GALNTL6: variants seen among roughly 807,000 people sequenced by gnomAD.
GALNTL6 encodes polypeptide N-acetylgalactosaminyltransferase-like 6.
In GALNTL6, 46 loss-of-function variants were observed where a neutral mutation model predicts 73.7. The ratio of observed to expected loss-of-function variants is 0.62; its 90% confidence interval spans 0.49 to 0.80. GALNTL6 has a LOEUF of 0.80. Ranked by LOEUF, GALNTL6 falls within the 30% of genes least tolerant of loss-of-function variation. GALNTL6 has a pLI of 0.00. For synonymous variants in GALNTL6, 259 were observed against 263.7 expected, an observed-to-expected ratio of 0.98 and a Z score of 0.17; for missense variants, 604 against 755.0, an observed-to-expected ratio of 0.80 and a Z score of 2.34.
intron 3 of GALNTL6, among the ~76,000 whole-genome samples, chr4:172,287,420 A>G (rs1184039805): frequency 6.6e-6 from 1 of 152,114 alleles, no homozygotes; most frequent in Non-Finnish European, 1.5e-5. Context: ...CAAAAAGCTG[A>G]CTGATTGCCT....
At chr4:172,442,048 A>T (rs1446183439) in intron 5 of GALNTL6, among the ~76,000 whole-genome samples, 2 of 152,176 alleles carry the variant, frequency 1.3e-5, no homozygotes. Flanking sequence ...GTTATTTATA[A>T]GAAATATATA....
intron 5 of GALNTL6, among the ~76,000 whole-genome samples, chr4:172,590,545 C>G (rs1737595596): frequency 6.6e-6 from 1 of 152,108 alleles, no homozygotes; most frequent in South Asian, 2.1e-4. Flanking sequence ...ATAAACCTCC[C>G]CCTCAATTTA....
intron 2 of GALNTL6, among the ~76,000 whole-genome samples, chr4:172,168,970 T>G: frequency 6.6e-6 from 1 of 152,210 alleles, no homozygotes; most frequent in East Asian, 1.9e-4. Flanking sequence ...AGGATAACAA[T>G]TTAGCAAACA....
intron 5 of GALNTL6, among the ~76,000 whole-genome samples, chr4:172,582,737 CACACACACAG>C: frequency 7.4e-6 from 1 of 135,294 alleles, no homozygotes; most frequent in Non-Finnish European, 1.6e-5. Flanking sequence ...TGGGAAATCA[CACACACACAG>C]ACACACACAC....
At position 172,311,769 on chromosome 4, in the gene GALNTL6, C is replaced by T; in HGVS notation, c.386+17C>T. ...TCATGCTAAGTGAGTATCAGCATAT[C>T]AGTGATCAGGGTGGGTTTTTTTGGT... On this transcript the variant is annotated intron_variant, in intron 4 of 12. Coordinates refer to ENST00000506823, the MANE Select transcript of GALNTL6 (RefSeq NM_001034845.3). The T allele has an allele frequency of 6.5e-7, 1 of 1,530,530 alleles. No individual in the cohort carries two copies. The highest frequency in any genetic ancestry group is 8.8e-7 in the Non-Finnish European group (1 of 1,133,504). 94.8% of individuals were successfully genotyped at this position (1,530,530 alleles called of 1,614,324 possible).
chr4:172,188,270 C>T (rs1470429971), intron 2 of GALNTL6, among the ~76,000 whole-genome samples: 1 of 152,162 alleles, frequency 6.6e-6, no homozygotes, highest in Non-Finnish European at 1.5e-5. Context: ...AGAAAGTTCT[C>T]AAGTTCCCTA....
At chr4:172,035,026 A>G (rs1210960394) in intron 2 of GALNTL6, among the ~76,000 whole-genome samples, 4 of 152,144 alleles carry the variant, frequency 2.6e-5, no homozygotes, top group South Asian at 2.1e-4. Flanking sequence ...CATTACTATT[A>G]TATTACTATT....
intron 7 of GALNTL6, among the ~76,000 whole-genome samples, chr4:172,817,692 G>A (rs568787483): frequency 6.6e-6 from 1 of 152,322 alleles, no homozygotes; most frequent in African/African-American, 2.4e-5. Context: ...CTTTCTAAAA[G>A]TTTAGAGTGG....
At chr4:172,060,903 AT>A (rs1367552488) in intron 2 of GALNTL6, among the ~76,000 whole-genome samples, 2 of 152,208 alleles carry the variant, frequency 1.3e-5, no homozygotes, top group Non-Finnish European at 2.9e-5. Flanking sequence ...CATTATGTAA[AT>A]AAAAATTACA....
At chr4:172,579,028 G>A (rs1737064336) in intron 5 of GALNTL6, among the ~76,000 whole-genome samples, 1 of 152,158 alleles carries the variant, frequency 6.6e-6, no homozygotes, top group African/African-American at 2.4e-5. Context: ...CTTGAGTGGT[G>A]ACAATCTGAT....
chr4:172,269,504 C>A (rs575058803), intron 3 of GALNTL6, among the ~76,000 whole-genome samples: 7 of 152,200 alleles, frequency 4.6e-5, no homozygotes, highest in African/African-American at 1.7e-4. Context: ...GATATGGAAG[C>A]AGTTGAGAGC....
chr4:172,772,782 C>A (rs72998103), intron 5 of GALNTL6, among the ~76,000 whole-genome samples: 21,792 of 151,988 alleles, frequency 0.14, 1,806 homozygotes, highest in Admixed American at 0.24. Flanking sequence ...ATTTATACAG[C>A]AAGAGGGACT....
chr4:172,609,486 T>G (rs1738431610), intron 5 of GALNTL6, among the ~76,000 whole-genome samples: 1 of 152,190 alleles, frequency 6.6e-6, no homozygotes. Context: ...ATCCCAGGGA[T>G]AAAACCTACT....
chr4:171,847,226 A>T (rs1735398314), intron 2 of GALNTL6, among the ~76,000 whole-genome samples: 1 of 152,140 alleles, frequency 6.6e-6, no homozygotes, highest in Non-Finnish European at 1.5e-5. Flanking sequence ...ACTCACACAT[A>T]TTTTTGAGTT....
At position 172,069,617 on chromosome 4, in the gene GALNTL6, A is replaced by AC. The variant is rs1560909825; in HGVS notation, c.139-160039_139-160038insC. ...TAACACATATATGTTATATATATAT[A>AC]ACATATATATATATCCTAAATTTCC... On this transcript the variant is annotated intron_variant, in intron 2 of 12. Coordinates refer to ENST00000506823, the MANE Select transcript of GALNTL6 (RefSeq NM_001034845.3). 1.4e-3 allele frequency among the ~76,000 whole-genome samples: 8 copies of AC among 5,746 alleles called. 2 individuals are homozygous for AC. Among genetic ancestry groups the AC allele is most frequent in the African/African-American group, 3.8e-3 (8 of 2,128 alleles). 3.8% of individuals were successfully genotyped at this position (5,746 alleles called of 152,430 possible).
chr4:172,078,919 C>T (rs893451034), intron 2 of GALNTL6, among the ~76,000 whole-genome samples: 2 of 151,826 alleles, frequency 1.3e-5, no homozygotes, highest in African/African-American at 4.8e-5. Flanking sequence ...GAAAAGATGC[C>T]TTCCTCAAAT....
intron 2 of GALNTL6, among the ~76,000 whole-genome samples, chr4:172,013,225 A>G (rs922095265): frequency 6.6e-6 from 1 of 152,016 alleles, no homozygotes; most frequent in Non-Finnish European, 1.5e-5. Context: ...TATACAATAA[A>G]TTGTTGTTAA....
At chr4:173,037,572 G>GA (rs1753745472) in intron 12 of GALNTL6, among the ~76,000 whole-genome samples, 2 of 152,112 alleles carry the variant, frequency 1.3e-5, no homozygotes, top group African/African-American at 4.8e-5. Context: ...AATAATGTTT[G>GA]AAAAAATAAA....
intron 5 of GALNTL6, among the ~76,000 whole-genome samples, chr4:172,542,171 TTA>T (rs1308769599): frequency 2.6e-5 from 4 of 151,634 alleles, no homozygotes; most frequent in Non-Finnish European, 5.9e-5. Flanking sequence ...GTGCCAAATT[TTA>T]TAGTCAGGTT....
Sources: gnomAD v4.1 joint callset for allele counts (sites outside exome capture counted in the v4.1 genomes callset) on GRCh38, gnomAD v4.1.1 for gene constraint, MANE v1.5 for transcripts, NCBI Gene and HGNC (gene_info 2026-07-23, HGNC 2026-07-21) for gene names.